RGS7: variants seen among roughly 807,000 people sequenced by gnomAD.
RGS7 encodes the protein regulator of G-protein signaling 7.
RGS7 carries 27 observed loss-of-function variants against 81.1 expected under a neutral mutation model. The ratio of observed to expected loss-of-function variants is 0.33; its 90% confidence interval spans 0.25 to 0.46. RGS7 has a LOEUF of 0.46. RGS7 is among the 20% of genes least tolerant of loss of function. RGS7 has a pLI of 1.00. For synonymous variants in RGS7, 208 were observed against 207.7 expected (o/e 1.00, Z -0.01); for missense variants, 396 against 607.4 (o/e 0.65, Z 3.66).
At chr1:240,829,519 A>C (rs1693441043) in intron 9 of RGS7, among the ~76,000 whole-genome samples, 1 of 152,240 alleles carries the variant, frequency 6.6e-6, no homozygotes, top group Non-Finnish European at 1.5e-5. Flanking sequence ...AAAACATTAA[A>C]GGATCGAGTT....
chr1:240,847,608 C>T (rs934047239), intron 9 of RGS7, among the ~76,000 whole-genome samples: 1 of 152,190 alleles, frequency 6.6e-6, no homozygotes, highest in Admixed American at 6.5e-5. Flanking sequence ...TAGCTCTTGA[C>T]ACAATGTTGC....
chr1:240,885,491 C>T (rs1292639053), intron 6 of RGS7, among the ~76,000 whole-genome samples: 2 of 152,140 alleles, frequency 1.3e-5, no homozygotes, highest in Non-Finnish European at 2.9e-5. Flanking sequence ...GACATGGAAT[C>T]AGCCTAAATA....
Position 241,076,134 on chromosome 1 carries a change from G to A in RGS7, c.175+22532C>T, listed in dbSNP as rs1174344759. Reference sequence around the variant, plus strand: ...CCCACAGAGAGGCCATGGAGCATGAGAGTGAGCTGTACCTGGCATGATGTA... The same window carrying A: ...CCCACAGAGAGGCCATGGAGCATGAAAGTGAGCTGTACCTGGCATGATGTA... On this transcript the variant is annotated intron_variant, in intron 3 of 18. Coordinates refer to ENST00000440928, the MANE Select transcript of RGS7 (RefSeq NM_001364886.1). 3.9e-5 allele frequency among the ~76,000 whole-genome samples: 6 copies of A among 152,220 alleles called. No individual in the cohort carries two copies. In the East Asian group the frequency reaches 1.2e-3, roughly 29 times the overall value.
At chr1:241,354,196 C>T (rs1366134279) in intron 2 of RGS7, among the ~76,000 whole-genome samples, 2 of 152,094 alleles carry the variant, frequency 1.3e-5, no homozygotes, top group Non-Finnish European at 2.9e-5. Context: ...TCTTACCAAA[C>T]ACAAAATATT....
chr1:241,207,273 T>C (rs1435837219), intron 2 of RGS7, among the ~76,000 whole-genome samples: 1 of 151,234 alleles, frequency 6.6e-6, no homozygotes, highest in Non-Finnish European at 1.5e-5. Context: ...TCTTTCCCCT[T>C]TCCCTTCTAA....
intron 9 of RGS7, among the ~76,000 whole-genome samples, chr1:240,842,124 A>G (rs1297306444): frequency 1.3e-5 from 2 of 151,758 alleles, no homozygotes; most frequent in Non-Finnish European, 2.9e-5. Flanking sequence ...TAGCAGTATA[A>G]TTTGACATCA....
intron 10 of RGS7, 151 bp downstream of exon 10, chr1:240,826,947 G>T: frequency 5.6e-6 from 4 of 719,738 alleles, no homozygotes; most frequent in Non-Finnish European, 7.6e-6. Context: ...GAGCATTAGG[G>T]TGGGGCTATT....
At chr1:240,896,419 C>A (rs1669102416) in intron 6 of RGS7, among the ~76,000 whole-genome samples, 1 of 152,164 alleles carries the variant, frequency 6.6e-6, no homozygotes, top group Non-Finnish European at 1.5e-5. Flanking sequence ...GGTTTTAGGT[C>A]TAACATTTAA....
At chr1:241,171,222 T>A (rs1288452272) in intron 2 of RGS7, among the ~76,000 whole-genome samples, 1 of 152,208 alleles carries the variant, frequency 6.6e-6, no homozygotes, top group Non-Finnish European at 1.5e-5. Flanking sequence ...ATTTCATTCA[T>A]CAAATATGTC....
chr1:240,904,608 C>T (rs976133533), intron 6 of RGS7, among the ~76,000 whole-genome samples: 2 of 152,134 alleles, frequency 1.3e-5, no homozygotes, highest in Non-Finnish European at 2.9e-5. Context: ...AGAAAACCTG[C>T]TTTAAAAGAG....
At chr1:241,215,639 T>A (rs563704079) in intron 2 of RGS7, among the ~76,000 whole-genome samples, 2 of 152,180 alleles carry the variant, frequency 1.3e-5, no homozygotes, top group South Asian at 2.1e-4. Flanking sequence ...ACTTCAAAAA[T>A]TTTTTTTGGC....
chr1:241,281,613 G>A (rs558219071), intron 2 of RGS7, among the ~76,000 whole-genome samples: 1 of 152,262 alleles, frequency 6.6e-6, no homozygotes, highest in East Asian at 1.9e-4. Context: ...AGCTGCAGTT[G>A]CCAACCATTT....
chr1:240,849,153 C>T (rs896233277), intron 9 of RGS7, among the ~76,000 whole-genome samples: 3 of 152,180 alleles, frequency 2.0e-5, no homozygotes, highest in African/African-American at 7.2e-5. Context: ...TGTGAGATTT[C>T]CAGAGAGGTG....
intron 3 of RGS7, among the ~76,000 whole-genome samples, chr1:241,013,452 CTA>C (rs1483494290): frequency 1.3e-5 from 2 of 152,128 alleles, no homozygotes; most frequent in Non-Finnish European, 2.9e-5. Flanking sequence ...CTTCCTGTGA[CTA>C]TGTCTTTTCT....
intron 9 of RGS7, among the ~76,000 whole-genome samples, chr1:240,827,865 A>C (rs914685093): frequency 1.8e-5 from 1 of 56,104 alleles, no homozygotes; most frequent in Non-Finnish European, 3.3e-5. Flanking sequence ...ACTCCATTGC[A>C]AAAAAAAAAA....
chr1:241,098,207 T>C (rs1021479640), intron 3 of RGS7, among the ~76,000 whole-genome samples: 1 of 152,220 alleles, frequency 6.6e-6, no homozygotes, highest in Non-Finnish European at 1.5e-5. Flanking sequence ...GTTTGGTCAC[T>C]GTCGAGTTCG....
At chr1:241,233,520 A>T (rs906094702) in intron 2 of RGS7, among the ~76,000 whole-genome samples, 1 of 152,166 alleles carries the variant, frequency 6.6e-6, no homozygotes. Flanking sequence ...ACTTCCCTTA[A>T]CATAATGACC....
intron 6 of RGS7, among the ~76,000 whole-genome samples, chr1:240,880,587 G>A (rs991795323): frequency 7.2e-5 from 11 of 152,106 alleles, no homozygotes; most frequent in Admixed American, 7.2e-4. Context: ...ATAAACTGAG[G>A]TCACGGACAA....
At chr1:240,863,189 T>C (rs1662558679) in intron 9 of RGS7, among the ~76,000 whole-genome samples, 1 of 152,100 alleles carries the variant, frequency 6.6e-6, no homozygotes, top group South Asian at 2.1e-4. Flanking sequence ...TTTAAAAATT[T>C]TAGGCCGGGC....
Sources: gnomAD v4.1 joint callset for allele counts (sites outside exome capture counted in the v4.1 genomes callset) on GRCh38, gnomAD v4.1.1 for gene constraint, MANE v1.5 for transcripts, NCBI Gene and HGNC (gene_info 2026-07-23, HGNC 2026-07-21) for gene names.